B4GALT1: variants seen among roughly 807,000 people sequenced by gnomAD.
The protein encoded by B4GALT1 is beta-1,4-galactosyltransferase 1.
A neutral mutation model predicts 34.9 loss-of-function variants in B4GALT1; 16 were observed. That is an observed-to-expected ratio of 0.46 (90% CI 0.31 to 0.70). The LOEUF is 0.70. Among genes scored for constraint, B4GALT1 ranks in the 30% least tolerant of loss-of-function variants. The probability of loss-of-function intolerance (pLI) is 0.05; values close to 1 mark genes in which losing one functional copy is unlikely to be tolerated. For synonymous variants in B4GALT1, 221 were observed against 218.1 expected (o/e 1.01, Z -0.12); for missense variants, 445 against 530.5 (o/e 0.84, Z 1.58).
chr9:33,113,961 AT>A (rs947662988), intron 4 of B4GALT1, 83 bp from the exon 5 acceptor site: 1 of 1,241,610 alleles, frequency 8.1e-7, no homozygotes, highest in Non-Finnish European at 1.2e-6. Flanking sequence ...CTGTTGCTCC[AT>A]CCACCATCAC....
chr9:33,175,997 TC>T, the B4GALT1 span, among the ~76,000 whole-genome samples: 3 of 152,120 alleles, frequency 2.0e-5, no homozygotes, highest in African/African-American at 7.2e-5. Context: ...CAATAGACAC[TC>T]CCATTTAGAA....
At chr9:33,114,566 C>T (rs894996764) in intron 4 of B4GALT1, among the ~76,000 whole-genome samples, 3 of 151,756 alleles carry the variant, frequency 2.0e-5, no homozygotes, top group South Asian at 2.1e-4. Flanking sequence ...AAGTAGTATA[C>T]GAATGGAGGG....
chr9:33,166,742 C>T lies in B4GALT1; in HGVS notation c.412+16G>A. The T allele has an allele frequency of 6.7e-7, 1 of 1,495,850 alleles. No individual in the cohort carries two copies. The highest frequency in any genetic ancestry group is 8.8e-7 in the Non-Finnish European group (1 of 1,130,130). 92.7% of individuals were successfully genotyped at this position (1,495,850 alleles called of 1,614,324 possible). A position where few individuals can be genotyped will look rare whatever the true frequency, so the allele number is the denominator to read the frequency against. ...GGGGTCCCAATCCTCCGACTGGCGC[C>T]GACCCGAGTCCTTACCAAGCAGCGG... On this transcript the variant is annotated intron_variant, in intron 1 of 5. Transcript: ENST00000379731.
At position 33,167,290 on chromosome 9, in the gene B4GALT1, C is replaced by A; in HGVS notation, c.-121G>T. ...GGGGAGGGCCCGGAGCGGGGGCGGG[C>A]GAGCGGCTGAGAGCTGAGACTCCTC... On this transcript the variant is annotated 5_prime_UTR_variant, in exon 1 of 6. Coordinates refer to ENST00000379731, the MANE Select transcript of B4GALT1 (RefSeq NM_001497.4). 7.7e-7 allele frequency: 1 copy of A among 1,306,944 alleles called. No individual in the cohort carries two copies. Among genetic ancestry groups the A allele is most frequent in the Non-Finnish European group, 1.0e-6 (1 of 1,002,776 alleles). 81.0% of individuals were successfully genotyped at this position (1,306,944 alleles called of 1,614,324 possible).
In B4GALT1 at chr9:33,166,978, C is replaced by T. The variant is rs763747159; in HGVS notation, c.192G>A (p.Ser64=). 3.2e-6 allele frequency: 5 copies of T among 1,585,458 alleles called. No homozygotes were observed. The highest frequency in any genetic ancestry group is 2.7e-5 in the African/African-American group (2 of 74,848). ...VGVSTPLQGG[S]NSAAAIGQSS... ...ACTGCCCGATGGCGGCGGCACTGTT[C>T]GAGCCGCCCTGCAGCGGTGTGGAGA... The change falls in exon 1 of 6, where the codon TCG becomes TCA. Residue 64 remains serine, a synonymous_variant. Transcript: ENST00000379731.
rs1839890214 is a variant in B4GALT1, at chr9:33,113,282, G to A, written c.*172C>T. The A allele has an allele frequency of 3.1e-6, 3 of 958,616 alleles. No homozygotes were observed. The highest frequency in any genetic ancestry group is 4.9e-6 in the Non-Finnish European group (3 of 615,508). 59.4% of individuals were successfully genotyped at this position (958,616 alleles called of 1,614,324 possible). A position where few individuals can be genotyped will look rare whatever the true frequency, so the allele number is the denominator to read the frequency against. On this transcript the variant is annotated 3_prime_UTR_variant, in exon 6 of 6. Transcript: ENST00000379731. The stretch of plus-strand genomic sequence containing the variant: ...AGAATTCACATGCCGAGCCAAGTTG[G>A]GGGCAAAATATCCCACTCGTCCTGG...
upstream of B4GALT1, among the ~76,000 whole-genome samples, chr9:33,168,342 G>A (rs970193836): frequency 6.6e-6 from 1 of 152,356 alleles, no homozygotes; most frequent in East Asian, 1.9e-4. Flanking sequence ...TTGACCCAGA[G>A]GCCTCAGGCC....
chr9:33,142,405 C>G (rs941381293), intron 1 of B4GALT1, among the ~76,000 whole-genome samples: 1 of 152,118 alleles, frequency 6.6e-6, no homozygotes, highest in Non-Finnish European at 1.5e-5. Flanking sequence ...CCTCCCTATC[C>G]CATTCCTAGT....
intron 1 of B4GALT1, among the ~76,000 whole-genome samples, chr9:33,136,990 ACC>A (rs60371294): frequency 0.36 from 54,885 of 151,778 alleles, 10,446 homozygotes; most frequent in East Asian, 0.6. Context: ...TGCCACTTCC[ACC>A]CCCTTCCCCA....
intron 1 of B4GALT1, among the ~76,000 whole-genome samples, chr9:33,165,175 C>T (rs1265256313): frequency 6.6e-5 from 10 of 151,936 alleles, no homozygotes; most frequent in Non-Finnish European, 1.3e-4. Context: ...ACCATATTGG[C>T]CAGGCTGGTC....
At chr9:33,108,404 G>A (rs184304712), downstream of B4GALT1, among the ~76,000 whole-genome samples, 184 of 151,280 alleles carry the variant, frequency 1.2e-3, 3 homozygotes, top group Non-Finnish European at 1.0e-4. Flanking sequence ...CTTGAAGCCG[G>A]GAGTTTGAGA....
At chr9:33,129,394 G>A (rs1840160446) in intron 2 of B4GALT1, among the ~76,000 whole-genome samples, 1 of 152,334 alleles carries the variant, frequency 6.6e-6, no homozygotes, top group East Asian at 1.9e-4. Context: ...TCGGGGAGAG[G>A]CCCAAGGGAG....
rs143318915 is a variant in B4GALT1 at position 33,151,098 on chromosome 9, G to A, written c.412+15660C>T. Among the ~76,000 whole-genome samples, 595 of 152,272 alleles carry A rather than the reference G, an allele frequency of 3.9e-3. 7 individuals are homozygous for A. Among genetic ancestry groups the A allele is most frequent in the African/African-American group, 0.013 (555 of 41,550 alleles). On this transcript the variant is annotated intron_variant, in intron 1 of 5. Transcript: ENST00000379731. Reference sequence around the variant, plus strand: ...CCAGACAAAGGTCCCTAAGGCAGGTGTACAGTATTGTGGGGATGAATTCAT... The same window carrying A: ...CCAGACAAAGGTCCCTAAGGCAGGTATACAGTATTGTGGGGATGAATTCAT...
chr9:33,120,293 C>T, intron 3 of B4GALT1, 126 bp downstream of exon 3: 1 of 1,038,402 alleles, frequency 9.6e-7, no homozygotes, highest in Non-Finnish European at 1.5e-6. Flanking sequence ...ACAAAGCACC[C>T]ATTTCTCAGA....
chr9:33,114,084 G>C (rs78195686), intron 4 of B4GALT1, among the ~76,000 whole-genome samples: 1 of 152,172 alleles, frequency 6.6e-6, no homozygotes. Context: ...CTGGTTCTGC[G>C]GTTTGTGGTG....
At chr9:33,113,614 G>C in intron 5 of B4GALT1, 28 bp from the exon 6 acceptor site, 1 of 1,614,076 alleles carries the variant, frequency 6.2e-7, no homozygotes, top group Non-Finnish European at 8.5e-7. Flanking sequence ...CAAGGAGATT[G>C]TCTTAAAACA....
At chr9:33,137,397 A>T (rs1021572901) in intron 1 of B4GALT1, among the ~76,000 whole-genome samples, 1 of 152,206 alleles carries the variant, frequency 6.6e-6, no homozygotes, top group Non-Finnish European at 1.5e-5. Context: ...GCAGGGAAGA[A>T]GATCCTCAGG....
At chr9:33,137,533 C>G (rs1043074037) in intron 1 of B4GALT1, among the ~76,000 whole-genome samples, 1 of 152,194 alleles carries the variant, frequency 6.6e-6, no homozygotes, top group Admixed American at 6.5e-5. Flanking sequence ...AGGCACTGTG[C>G]TCTTCAGAGA....
chr9:33,142,713 C>G (rs568166412), intron 1 of B4GALT1, among the ~76,000 whole-genome samples: 3 of 152,092 alleles, frequency 2.0e-5, no homozygotes, highest in Non-Finnish European at 2.9e-5. Context: ...GCAATCCTCT[C>G]GCCTCAGCCT....
Sources: allele counts gnomAD v4.1 joint callset (sites outside exome capture counted in the v4.1 genomes callset), GRCh38; gene constraint gnomAD v4.1.1; transcripts MANE v1.5; gene names NCBI Gene and HGNC (gene_info 2026-07-23, HGNC 2026-07-21).